The following ITFG2 variants were observed in gnomAD, a reference collection of about 807,000 sequenced individuals.
The protein encoded by ITFG2 is integrin alpha FG-GAP repeat containing 2, also known as KICSTOR complex protein ITFG2.
ITFG2 carries 36 observed loss-of-function variants against 54.4 expected under a neutral mutation model. The observed-to-expected ratio is 0.66, with a 90% confidence interval of 0.51 to 0.87. ITFG2 has a LOEUF of 0.87. Among genes scored for constraint, ITFG2 ranks in the 40% least tolerant of loss-of-function variants. The pLI, the probability that ITFG2 is intolerant of heterozygous loss-of-function variation, is 0.00. For synonymous variants in ITFG2, 211 were observed against 225.4 expected (o/e 0.94, Z 0.57); for missense variants, 524 against 576.7 (o/e 0.91, Z 0.94).
chr12:2,853,365 C>T (rs569367849), intron 2 of ITFG2, among the ~76,000 whole-genome samples: 2 of 152,248 alleles, frequency 1.3e-5, no homozygotes, highest in Admixed American at 1.3e-4. Context: ...CTCCACCTCC[C>T]GGGTTCAAGT....
intron 3 of ITFG2, chr12:2,859,245 A>G (rs766746704): frequency 6.2e-7 from 1 of 1,613,674 alleles, no homozygotes. Context: ...CCCCTCTGAG[A>G]AGAGCAGCTC....
chr12:2,857,226 T>C, intron 2 of ITFG2: 1 of 593,654 alleles, frequency 1.7e-6, no homozygotes, highest in South Asian at 2.0e-5. Context: ...AGCACTTTCT[T>C]CAAGTTCTGA....
intron 2 of ITFG2, among the ~76,000 whole-genome samples, chr12:2,854,602 C>T (rs1363242641): frequency 1.3e-5 from 2 of 152,176 alleles, no homozygotes; most frequent in African/African-American, 4.8e-5. Flanking sequence ...TGATAGCTAT[C>T]TTTGCAAAGC....
intron 2 of ITFG2, among the ~76,000 whole-genome samples, chr12:2,855,868 C>T (rs1028144397): frequency 1.3e-5 from 2 of 152,136 alleles, no homozygotes; most frequent in Admixed American, 6.6e-5. Flanking sequence ...CCTTCACTTG[C>T]TCCTGGTCTT....
intron 2 of ITFG2, among the ~76,000 whole-genome samples, chr12:2,854,406 TC>T (rs1249878419): frequency 2.0e-5 from 3 of 152,096 alleles, no homozygotes; most frequent in Admixed American, 6.6e-5. Context: ...TACCTGAGGC[TC>T]CCCCCTTCAT....
upstream of ITFG2, among the ~76,000 whole-genome samples, chr12:2,832,052 A>G (rs1190378961): frequency 6.6e-6 from 1 of 151,840 alleles, no homozygotes; most frequent in Admixed American, 6.6e-5. Context: ...AAACCTTGCT[A>G]CTCCAAAATG....
rs987522872 is a variant in ITFG2 at position 2,855,119 on chromosome 12, G to A, written n.301-2893G>A. ...GGAGGGGGGATGGGGTGCTCCGTGG[G>A]GGGGCATCTGTGGGCATTGGAGTCG... On this transcript the variant is annotated intron_variant and non_coding_transcript_variant, in intron 2 of 3. Coordinates refer to the ITFG2 transcript ENST00000537710. 3 of 1,534,190 alleles carry A rather than the reference G, an allele frequency of 2.0e-6. No homozygotes were observed. In the South Asian group the frequency reaches 3.6e-5, roughly 18 times the overall value.
At chr12:2,847,410 G>A (rs1212179091) in intron 2 of ITFG2, among the ~76,000 whole-genome samples, 1 of 152,094 alleles carries the variant, frequency 6.6e-6, no homozygotes, top group Non-Finnish European at 1.5e-5. Flanking sequence ...TGTAATCCCA[G>A]TAATTCCAGC....
At chr12:2,855,199 G>T (rs937279333) in intron 2 of ITFG2, 2 of 1,506,996 alleles carry the variant, frequency 1.3e-6, no homozygotes, top group Non-Finnish European at 1.8e-6. Flanking sequence ...GGTGGGGAAG[G>T]TGGCAGGCAG....
chr12:2,827,312 G>C, downstream of ITFG2: 1 of 1,610,364 alleles, frequency 6.2e-7, no homozygotes, highest in African/African-American at 1.3e-5. This position sits in a 1 kb window ranked among gnomAD's most constrained non-coding sequence, Gnocchi z 4.0. Context: ...GCGGGGTGTA[G>C]AGCAGTCATG....
chr12:2,812,944 TGAGCGTGAGCATGCG>T, intron 1 of ITFG2, 88 bp downstream of exon 1: 1 of 1,128,664 alleles, frequency 8.9e-7, no homozygotes, highest in Non-Finnish European at 1.3e-6. Context: ...GCGTGCCACG[TGAGCGTGAGCATGCG>T]CGCTGTGGCT....
intron 2 of ITFG2, among the ~76,000 whole-genome samples, chr12:2,855,776 A>T (rs1406954090): frequency 1.3e-5 from 2 of 152,064 alleles, no homozygotes. Flanking sequence ...CCACCCAGGA[A>T]CTGGTGCTCC....
At chr12:2,816,457 G>A (rs2097921801) in intron 1 of ITFG2, among the ~76,000 whole-genome samples, 1 of 151,266 alleles carries the variant, frequency 6.6e-6, no homozygotes, top group Non-Finnish European at 1.5e-5. Flanking sequence ...AGCCTCCCGA[G>A]TAGCTGGGAC....
intron 2 of ITFG2, among the ~76,000 whole-genome samples, chr12:2,852,671 G>A (rs977493050): frequency 6.6e-6 from 1 of 151,972 alleles, no homozygotes; most frequent in Non-Finnish European, 1.5e-5. Flanking sequence ...GGCTAGGCAA[G>A]ATACTTGACC....
chr12:2,818,648 C>T, intron 4 of ITFG2: 1 of 272,802 alleles, frequency 3.7e-6, no homozygotes, highest in Non-Finnish European at 7.1e-6. Flanking sequence ...AGCGTGGGAC[C>T]CTGTCTCTAT....
At chr12:2,827,069 G>C, downstream of ITFG2, 2 of 1,493,342 alleles carry the variant, frequency 1.3e-6, no homozygotes, top group Non-Finnish European at 8.8e-7. The surrounding 1 kb of genome is among the most constrained non-coding windows in gnomAD (Gnocchi z 4.0). Context: ...GGGGAAAATG[G>C]GACAGCAGGG....
intron 2 of ITFG2, chr12:2,857,224 C>A: frequency 6.7e-6 from 4 of 594,146 alleles, no homozygotes; most frequent in Middle Eastern, 8.9e-4. Context: ...ATAGCACTTT[C>A]TTCAAGTTCT....
At chr12:2,821,905 T>C in intron 9 of ITFG2, 113 bp downstream of exon 9, 4 of 777,084 alleles carry the variant, frequency 5.1e-6, no homozygotes, top group Non-Finnish European at 8.3e-6. Context: ...CCTTTATCTT[T>C]AGTCTCTGTC....
intron 2 of ITFG2, chr12:2,856,977 T>C (rs2098089398): frequency 1.4e-6 from 1 of 702,750 alleles, no homozygotes; most frequent in Non-Finnish European, 2.6e-6. Flanking sequence ...TTCTTCCATA[T>C]GAGATGGGTG....
Sources: allele counts gnomAD v4.1 joint callset (sites outside exome capture counted in the v4.1 genomes callset), GRCh38; gene constraint gnomAD v4.1.1; non-coding constraint Gnocchi (gnomAD v3.1); transcripts MANE v1.5; gene names NCBI Gene and HGNC (gene_info 2026-07-23, HGNC 2026-07-21).